The following PCDH15 variants were observed in gnomAD, a reference collection of about 807,000 sequenced individuals.
The protein encoded by PCDH15 is protocadherin related 15.
PCDH15 carries 129 observed loss-of-function variants against 178.5 expected under a neutral mutation model. That is an observed-to-expected ratio of 0.72 (90% CI 0.63 to 0.84). The LOEUF (loss-of-function observed/expected upper bound fraction) is 0.84, where lower values mean the gene tolerates loss of function less well. Among genes scored for constraint, PCDH15 ranks in the 40% least tolerant of loss-of-function variants. The pLI is 0.00. For synonymous variants in PCDH15, 800 were observed against 732.0 expected (o/e 1.09, Z -1.50); for missense variants, 2,230 against 2,099.9 (o/e 1.06, Z -1.21).
intron 3 of PCDH15, among the ~76,000 whole-genome samples, chr10:54,438,973 G>T (rs903550343): frequency 3.9e-5 from 6 of 152,040 alleles, no homozygotes; most frequent in Non-Finnish European, 7.4e-5. Flanking sequence ...TAGAGTCACA[G>T]AACTTGTCTG....
intron 8 of PCDH15, among the ~76,000 whole-genome samples, chr10:54,295,458 G>A (rs11004205): frequency 0.26 from 39,128 of 151,954 alleles, 6,286 homozygotes; most frequent in Middle Eastern, 0.38. Context: ...TTGGCTCTTT[G>A]CAATAAATCT....
intron 2 of PCDH15, among the ~76,000 whole-genome samples, chr10:55,347,579 G>C (rs1007317887): frequency 2.6e-5 from 4 of 152,082 alleles, no homozygotes; most frequent in Admixed American, 2.0e-4. Flanking sequence ...AGCAATAGGA[G>C]GCAGTCATTT....
In PCDH15 at chr10:55,381,786, A is replaced by C. The variant is rs1167598135; in HGVS notation, c.-155-215135T>G. 2.0e-5 allele frequency among the ~76,000 whole-genome samples: 3 copies of C among 152,192 alleles called. No homozygotes were observed. In the East Asian group the frequency reaches 5.8e-4, roughly 29 times the overall value. On this transcript the variant is annotated intron_variant, in intron 2 of 5. Transcript: ENST00000613346. Reference sequence around the variant, plus strand: ...GAATTTTAAAAGTAAAAGAAGAAAAAGAAAGGAAAACAAAAGCCTCTAAGT... The same window carrying C: ...GAATTTTAAAAGTAAAAGAAGAAAACGAAAGGAAAACAAAAGCCTCTAAGT...
rs1003015940 is a variant in PCDH15, at chr10:55,510,513, A to G, written c.-156+117112T>C. ...AAGTTTCTAAACCTCAAATATTTCA[A>G]TAACTTGTGTCCTAATCTTAAAAGT... On this transcript the variant is annotated intron_variant, in intron 2 of 5. Transcript: ENST00000613346. 2.6e-5 allele frequency among the ~76,000 whole-genome samples: 4 copies of G among 151,920 alleles called. No individual in the cohort carries two copies. The Admixed American group carries it at 2.6e-4, about 10-fold the overall frequency.
chr10:54,161,675 C>T (rs567302867), intron 13 of PCDH15, among the ~76,000 whole-genome samples: 1 of 151,460 alleles, frequency 6.6e-6, no homozygotes, highest in South Asian at 2.1e-4. Context: ...AACCCTCAAC[C>T]CTCCTAGAAA....
intron 3 of PCDH15, among the ~76,000 whole-genome samples, chr10:54,435,893 C>T (rs2075347264): frequency 1.3e-5 from 2 of 151,776 alleles, no homozygotes; most frequent in Non-Finnish European, 2.9e-5. Context: ...TGGCGTGAAC[C>T]CGGGAAGCAG....
intron 1 of PCDH15, among the ~76,000 whole-genome samples, chr10:55,245,998 G>A (rs953367842): frequency 1.3e-5 from 2 of 152,134 alleles, no homozygotes; most frequent in African/African-American, 4.8e-5. Context: ...TCAGTTCCTG[G>A]TGCCATGATA....
intron 3 of PCDH15, among the ~76,000 whole-genome samples, chr10:54,405,749 T>G (rs1589242099): frequency 6.6e-6 from 1 of 151,402 alleles, no homozygotes; most frequent in South Asian, 2.1e-4. Context: ...TACAAATATA[T>G]TTATGTAACT....
intron 2 of PCDH15, among the ~76,000 whole-genome samples, chr10:55,581,308 A>C (rs997278458): frequency 6.6e-6 from 1 of 152,080 alleles, no homozygotes; most frequent in East Asian, 1.9e-4. Context: ...AATAAAATAT[A>C]TAACAGAAAA....
At chr10:54,499,666 C>G (rs1389862995) in intron 3 of PCDH15, among the ~76,000 whole-genome samples, 6 of 151,980 alleles carry the variant, frequency 3.9e-5, no homozygotes, top group Admixed American at 3.9e-4. Flanking sequence ...TGGGACACAG[C>G]TAAAGCATTG....
At position 53,815,179 on chromosome 10, in the gene PCDH15, T is replaced by C. The variant is rs1405964574; in HGVS notation, c.4491+1060A>G. ...TAGATCAAACACTTAATGTAATTTT[T>C]AATATTCATTTTTGCTGTCCACACA... is the stretch of plus-strand genomic sequence containing the variant. On this transcript the variant is annotated intron_variant, in intron 35 of 37. Coordinates refer to ENST00000644397, the MANE Select transcript of PCDH15 (RefSeq NM_001384140.1). Among the ~76,000 whole-genome samples, 4 of 152,280 alleles carry C rather than the reference T, an allele frequency of 2.6e-5. No homozygotes were observed. In the East Asian group the frequency reaches 7.7e-4, roughly 29 times the overall value.
intron 2 of PCDH15, among the ~76,000 whole-genome samples, chr10:55,090,250 G>C (rs1195562882): frequency 6.6e-6 from 1 of 151,662 alleles, no homozygotes; most frequent in East Asian, 1.9e-4. Context: ...TTAGTTACTG[G>C]GGTCTTCAGT....
intron 1 of PCDH15, among the ~76,000 whole-genome samples, chr10:54,726,471 T>C (rs1040888366): frequency 4.0e-5 from 6 of 149,260 alleles, no homozygotes; most frequent in African/African-American, 1.5e-4. Flanking sequence ...TGTATTTGAA[T>C]TGACAGTGAA....
At chr10:55,344,664 C>T (rs1844695402) in intron 2 of PCDH15, among the ~76,000 whole-genome samples, 1 of 151,932 alleles carries the variant, frequency 6.6e-6, no homozygotes. Flanking sequence ...ATCAGAAGCT[C>T]AGTTTGGGTC....
intron 2 of PCDH15, among the ~76,000 whole-genome samples, chr10:55,343,579 A>G (rs1844662772): frequency 1.3e-5 from 2 of 151,894 alleles, no homozygotes; most frequent in African/African-American, 4.8e-5. Context: ...GTAGTTAACA[A>G]TTCAAATATC....
At chr10:54,203,365 T>C (rs2050446963) in intron 10 of PCDH15, among the ~76,000 whole-genome samples, 1 of 152,316 alleles carries the variant, frequency 6.6e-6, no homozygotes, top group South Asian at 2.1e-4. Flanking sequence ...AATTTAGGTA[T>C]GTTGGTGTAT....
At chr10:54,321,717 C>T (rs7917641) in intron 7 of PCDH15, among the ~76,000 whole-genome samples, 68,750 of 151,382 alleles carry the variant, frequency 0.45, 16,278 homozygotes, top group Middle Eastern at 0.6. Flanking sequence ...AGTGTATTTA[C>T]AGGAAGTGTA....
In PCDH15 at chr10:55,365,410, C is replaced by T. The variant is rs145429270; in HGVS notation, c.-155-198759G>A. On this transcript the variant is annotated intron_variant, in intron 2 of 5. Transcript: ENST00000613346. ...AATGCACTTGTCTTGTCATGAGCAG[C>T]TCTATAACAAGGAGCTGGAGCTTTC... is the stretch of plus-strand genomic sequence containing the variant. Among the ~76,000 whole-genome samples the T allele has an allele frequency of 1.2e-3, 188 of 152,266 alleles. 1 individual carries two copies. Among genetic ancestry groups the T allele is most frequent in the South Asian group, 5.0e-3 (24 of 4,828 alleles).
At chr10:54,679,821 A>G (rs563425570) in intron 1 of PCDH15, among the ~76,000 whole-genome samples, 7 of 152,314 alleles carry the variant, frequency 4.6e-5, no homozygotes, top group Admixed American at 3.9e-4. Context: ...CATTATTGTT[A>G]CTTTAGTTTC....
Sources: gnomAD v4.1 joint callset for allele counts (sites outside exome capture counted in the v4.1 genomes callset) on GRCh38, gnomAD v4.1.1 for gene constraint, MANE v1.5 for transcripts, NCBI Gene and HGNC (gene_info 2026-07-23, HGNC 2026-07-21) for gene names.